The following ELP4 variants were observed in gnomAD, a reference collection of about 807,000 sequenced individuals.
The protein encoded by ELP4 is elongator complex protein 4.
Under a neutral mutation model 48.9 loss-of-function variants are expected in ELP4, and 51 were observed. The observed-to-expected ratio is 1.04, with a 90% CI of 0.83 to 1.32. ELP4 has a LOEUF of 1.32. ELP4 is among the 40% of genes most tolerant of loss of function. The pLI, the probability that ELP4 is intolerant of heterozygous loss-of-function variation, is 0.00. For missense variants in ELP4, 519 were observed against 514.6 expected, an observed-to-expected ratio of 1.01 and a Z score of -0.08; for synonymous variants, 210 against 189.2, an observed-to-expected ratio of 1.11 and a Z score of -0.90.
intron 5 of ELP4, among the ~76,000 whole-genome samples, chr11:31,609,987 A>T (rs939632370): frequency 7.9e-5 from 12 of 152,142 alleles, no homozygotes; most frequent in South Asian, 2.1e-4. Flanking sequence ...CCAAGACTTG[A>T]GTGAGCTGTA....
chr11:31,688,447 T>C (rs545977778), intron 9 of ELP4, among the ~76,000 whole-genome samples: 3 of 152,194 alleles, frequency 2.0e-5, no homozygotes, highest in Non-Finnish European at 4.4e-5. Flanking sequence ...ACCTAATCTT[T>C]CAGGCATTCT....
At chr11:31,610,137 C>G (rs1957950385) in intron 5 of ELP4, among the ~76,000 whole-genome samples, 1 of 152,038 alleles carries the variant, frequency 6.6e-6, no homozygotes, top group African/African-American at 2.4e-5. Flanking sequence ...TAGAAGTATA[C>G]TATAAATTAC....
At chr11:31,730,904 C>T (rs1291820552) in intron 9 of ELP4, among the ~76,000 whole-genome samples, 2 of 151,934 alleles carry the variant, frequency 1.3e-5, no homozygotes, top group African/African-American at 2.4e-5. Flanking sequence ...TGGGTGATGT[C>T]CTGCTGCTTT....
chr11:31,758,666 G>A (rs1040452774), intron 9 of ELP4, among the ~76,000 whole-genome samples: 5 of 134,980 alleles, frequency 3.7e-5, no homozygotes, highest in African/African-American at 1.2e-4. Flanking sequence ...CAAAGAGGGT[G>A]GAACTTTTTT....
rs71060498 is a variant in ELP4, at chr11:31,678,495, ATGTGTGTGTGTGTG to A, written c.1143+28308_1143+28321del. The stretch of plus-strand genomic sequence containing the variant: ...TATTATTTATTGCATACATATATGT[ATGTGTGTGTGTGTG>A]TGTGTGTGTGTGTGTGTGTGTGTGT... On this transcript the variant is annotated intron_variant, in intron 9 of 9. Transcript: ENST00000640961. Among the ~76,000 whole-genome samples, 97 of 137,502 alleles carry A rather than the reference ATGTGTGTGTGTGTG, an allele frequency of 7.1e-4. 1 individual carries two copies. Among genetic ancestry groups the A allele is most frequent in the East Asian group, 5.8e-3 (28 of 4,796 alleles). The allele number at this position is 137,502 out of a possible 152,430, so 90.2% of individuals were successfully genotyped here. A position where few individuals can be genotyped will look rare whatever the true frequency, so the allele number is the denominator to read the frequency against.
In ELP4 at chr11:31,744,995, C is replaced by T. The variant is rs547335993; in HGVS notation, c.1144-38398C>T. Among the ~76,000 whole-genome samples the T allele has an allele frequency of 6.6e-4, 101 of 152,204 alleles. 2 individuals are homozygous for T. The East Asian group carries it at 0.016, about 24-fold the overall frequency. On this transcript the variant is annotated intron_variant, in intron 9 of 9. Transcript: ENST00000640961. ...TGATTGTATATCTAGAAAACCCCATCGTCTCAGCCCAAAATCTCCTCAAGC... is the reference window on the plus strand; with the variant it reads ...TGATTGTATATCTAGAAAACCCCATTGTCTCAGCCCAAAATCTCCTCAAGC...
chr11:31,562,121 A>G (rs1278928408), intron 3 of ELP4, among the ~76,000 whole-genome samples: 3 of 152,154 alleles, frequency 2.0e-5, no homozygotes. Flanking sequence ...TTATTTTCCC[A>G]ACCTCACTAC....
chr11:31,638,499 CTA>C (rs1945026202), intron 7 of ELP4, among the ~76,000 whole-genome samples: 1 of 151,736 alleles, frequency 6.6e-6, no homozygotes, highest in Admixed American at 6.6e-5. Context: ...TTGAAGAAAA[CTA>C]TTACCAGCAT....
chr11:31,742,778 A>G (rs1210722002), intron 9 of ELP4, among the ~76,000 whole-genome samples: 1 of 152,216 alleles, frequency 6.6e-6, no homozygotes, highest in Non-Finnish European at 1.5e-5. Context: ...ATCAACCAGT[A>G]CGAGCCACTG....
intron 2 of ELP4, among the ~76,000 whole-genome samples, chr11:31,526,312 C>T (rs1336811523): frequency 1.3e-5 from 2 of 151,998 alleles, no homozygotes; most frequent in African/African-American, 2.4e-5. Flanking sequence ...CCTTCTATAT[C>T]GTCTCATTGC....
chr11:31,724,496 A>T (rs900806165), intron 9 of ELP4, among the ~76,000 whole-genome samples: 22 of 152,270 alleles, frequency 1.4e-4, no homozygotes, highest in African/African-American at 4.8e-4. Context: ...GAATTTAAAG[A>T]TAATAAGCCG....
intron 3 of ELP4, among the ~76,000 whole-genome samples, chr11:31,549,610 C>T (rs1206252721): frequency 6.6e-6 from 1 of 151,826 alleles, no homozygotes; most frequent in Non-Finnish European, 1.5e-5. Context: ...CTAGAAATAC[C>T]ATTTGACCCA....
At chr11:31,575,347 C>A (rs1957257584) in intron 3 of ELP4, among the ~76,000 whole-genome samples, 1 of 152,130 alleles carries the variant, frequency 6.6e-6, no homozygotes, top group African/African-American at 2.4e-5. Flanking sequence ...GAGAATGGAA[C>A]CAAGTTGGAA....
At chr11:31,586,891 C>T (rs2133979462) in intron 3 of ELP4, among the ~76,000 whole-genome samples, 1 of 152,212 alleles carries the variant, frequency 6.6e-6, no homozygotes, top group South Asian at 2.1e-4. Flanking sequence ...CCACTTGCCT[C>T]GGCCTCCCAA....
intron 4 of ELP4, among the ~76,000 whole-genome samples, chr11:31,602,353 T>A (rs572706402): frequency 5.9e-5 from 9 of 152,060 alleles, no homozygotes; most frequent in Non-Finnish European, 1.3e-4. Flanking sequence ...ACCCTATTTT[T>A]AAGAAACATT....
At chr11:31,683,767 T>C (rs1441897096) in intron 9 of ELP4, among the ~76,000 whole-genome samples, 4 of 152,196 alleles carry the variant, frequency 2.6e-5, no homozygotes, top group African/African-American at 9.6e-5. Flanking sequence ...ATTTCTTCCA[T>C]CTGTACTATG....
At chr11:31,637,916 G>A (rs1945015418) in intron 7 of ELP4, among the ~76,000 whole-genome samples, 1 of 151,836 alleles carries the variant, frequency 6.6e-6, no homozygotes, top group Non-Finnish European at 1.5e-5. Context: ...TTAGTGAGGT[G>A]AAAAGAAAAT....
chr11:31,510,093 C>T (rs1382569500), intron 1 of ELP4, 86 bp downstream of exon 1: 6 of 1,240,880 alleles, frequency 4.8e-6, no homozygotes, highest in South Asian at 1.3e-5. Flanking sequence ...CCCCACATCT[C>T]TTTCTGACCC....
chr11:31,520,150 A>G (rs1445411804), intron 2 of ELP4, 59 bp downstream of exon 2: 1 of 1,394,886 alleles, frequency 7.2e-7, no homozygotes, highest in Non-Finnish European at 9.8e-7. Context: ...GTGCATAATC[A>G]TTTTATCCAA....
Sources: allele counts gnomAD v4.1 joint callset (sites outside exome capture counted in the v4.1 genomes callset), GRCh38; gene constraint gnomAD v4.1.1; transcripts MANE v1.5; gene names NCBI Gene and HGNC (gene_info 2026-07-23, HGNC 2026-07-21).